Variants in KLF8 observed in about 807,000 individuals in gnomAD.
KLF8 encodes the protein KLF transcription factor 8.
Under a neutral mutation model 18.2 loss-of-function variants are expected in KLF8, and 10 were observed. That is an observed-to-expected ratio of 0.55 (90% CI 0.34 to 0.93). The LOEUF (loss-of-function observed/expected upper bound fraction) is 0.93, where lower values mean the gene tolerates loss of function less well. KLF8 is among the 40% of genes least tolerant of loss of function. The pLI is 0.02. For missense variants in KLF8, 264 were observed against 277.9 expected, an observed-to-expected ratio of 0.95 and a Z score of 0.36; for synonymous variants, 109 against 97.3, an observed-to-expected ratio of 1.12 and a Z score of -0.71.
intron 1 of KLF8, among the ~76,000 whole-genome samples, chrX:56,247,340 C>A (rs957926730): frequency 8.9e-6 from 1 of 111,833 alleles, no homozygotes; most frequent in African/African-American, 3.2e-5. Context: ...AGGAAACTTG[C>A]AGAACTAGAA....
the KLF8 span, among the ~76,000 whole-genome samples, chrX:56,023,481 T>C: frequency 8.9e-6 from 1 of 111,907 alleles, no homozygotes; most frequent in African/African-American, 3.2e-5. Flanking sequence ...AAAGTGGCTG[T>C]GCTAACATCA....
At chrX:56,015,223 C>A in the KLF8 span, 1 of 111,075 alleles carries the variant, frequency 9.0e-6, no homozygotes, top group Non-Finnish European at 1.9e-5. Flanking sequence ...TTCTCTAGAC[C>A]TTGGATTAAG....
chrX:55,999,811 T>G, the KLF8 span, among the ~76,000 whole-genome samples: 1 of 111,891 alleles, frequency 8.9e-6, no homozygotes, highest in South Asian at 3.8e-4. Flanking sequence ...TAGTTCAACT[T>G]CTTCATTTCC....
chrX:56,188,262 C>T, the KLF8 span, among the ~76,000 whole-genome samples: 1 of 111,336 alleles, frequency 9.0e-6, no homozygotes, highest in Non-Finnish European at 1.9e-5. Flanking sequence ...AGTGAACTCC[C>T]ATTCACAATT....
chrX:56,027,585 G>A, the KLF8 span, among the ~76,000 whole-genome samples: 1 of 112,428 alleles, frequency 8.9e-6, no homozygotes, highest in African/African-American at 3.2e-5. Flanking sequence ...CTGGGCTGAA[G>A]TGCCCTGAGG....
At chrX:56,021,507 G>A in the KLF8 span, among the ~76,000 whole-genome samples, 2 of 110,494 alleles carry the variant, frequency 1.8e-5, no homozygotes, top group Non-Finnish European at 3.8e-5. Flanking sequence ...GTAGAATTGC[G>A]GTGCAAGAGG....
chrX:56,138,427 A>C, the KLF8 span, among the ~76,000 whole-genome samples: 1 of 111,715 alleles, frequency 9.0e-6, no homozygotes, highest in African/African-American at 3.2e-5. Context: ...ACAAAGTACT[A>C]GCAAACCAAA....
the KLF8 span, among the ~76,000 whole-genome samples, chrX:56,143,079 C>A: frequency 9.0e-6 from 1 of 111,487 alleles, no homozygotes; most frequent in Admixed American, 9.6e-5. Context: ...CCTCCAAGGC[C>A]TTATGCACTC....
At chrX:56,179,561 C>T in the KLF8 span, among the ~76,000 whole-genome samples, 3,978 of 111,873 alleles carry the variant, frequency 0.036, 184 homozygotes, top group African/African-American at 0.12. Context: ...GCATCCCTGT[C>T]TTGTGACAGT....
the KLF8 span, among the ~76,000 whole-genome samples, chrX:55,940,814 C>T: frequency 9.0e-6 from 1 of 111,482 alleles, no homozygotes; most frequent in Admixed American, 9.6e-5. Flanking sequence ...ATCCAACTTG[C>T]AAGGGATGTG....
At chrX:56,068,491 A>T in the KLF8 span, among the ~76,000 whole-genome samples, 1 of 111,819 alleles carries the variant, frequency 8.9e-6, no homozygotes, top group South Asian at 3.7e-4. Flanking sequence ...TTCTGTGTGA[A>T]CTCAGCTGGA....
chrX:55,908,582 TAAC>T, the KLF8 span: 8 of 296,059 alleles, frequency 2.7e-5, no homozygotes, highest in Non-Finnish European at 4.7e-5. Flanking sequence ...TTCCCCTGGC[TAAC>T]ACTCTTTACA....
the KLF8 span, among the ~76,000 whole-genome samples, chrX:56,037,487 A>G: frequency 1.6e-4 from 18 of 111,482 alleles, no homozygotes; most frequent in Non-Finnish European, 3.2e-4. Context: ...AGAATAATTG[A>G]TATTAATTTT....
chrX:56,097,176 T>C, the KLF8 span, among the ~76,000 whole-genome samples: 1 of 111,108 alleles, frequency 9.0e-6, no homozygotes, highest in South Asian at 3.8e-4. Flanking sequence ...ATGTAATTCA[T>C]CACATCTGCA....
intron 1 of KLF8, chrX:56,243,078 T>C (rs1404138157): frequency 1.9e-6 from 1 of 524,670 alleles, no homozygotes; most frequent in Non-Finnish European, 3.5e-6. Context: ...ACAGCCTGTT[T>C]GATCTGGTGC....
At chrX:55,944,560 C>G in the KLF8 span, among the ~76,000 whole-genome samples, 333 of 111,289 alleles carry the variant, frequency 3.0e-3, no homozygotes, top group Middle Eastern at 9.4e-3. Flanking sequence ...TTAGTCTTGG[C>G]AGGGTGTATG....
the KLF8 span, among the ~76,000 whole-genome samples, chrX:56,025,797 G>A: frequency 9.0e-6 from 1 of 111,631 alleles, no homozygotes. Flanking sequence ...TACATACTTT[G>A]TACTGAGTGT....
At chrX:56,214,462 G>A in the KLF8 span, among the ~76,000 whole-genome samples, 1 of 112,201 alleles carries the variant, frequency 8.9e-6, no homozygotes, top group African/African-American at 3.2e-5. Context: ...CTAATGCCCA[G>A]TATTTCAGAA....
chrX:56,190,565 A>T, the KLF8 span, among the ~76,000 whole-genome samples: 2 of 111,719 alleles, frequency 1.8e-5, no homozygotes, highest in East Asian at 2.8e-4. Context: ...TCAAAGAAAC[A>T]TCATATTTTA....
Sources: gnomAD v4.1 joint callset for allele counts (sites outside exome capture counted in the v4.1 genomes callset) on GRCh38, gnomAD v4.1.1 for gene constraint, MANE v1.5 for transcripts, NCBI Gene and HGNC (gene_info 2026-07-23, HGNC 2026-07-21) for gene names.